The following SNTG1 variants were observed in gnomAD, a reference collection of about 807,000 sequenced individuals.
The protein encoded by SNTG1 is syntrophin gamma 1.
A neutral mutation model predicts 74.7 loss-of-function variants in SNTG1; 39 were observed. That is an observed-to-expected ratio of 0.52 (90% confidence interval 0.40 to 0.68). The LOEUF (loss-of-function observed/expected upper bound fraction) is 0.68, where lower values mean the gene tolerates loss of function less well. Among genes scored for constraint, SNTG1 ranks in the 30% least tolerant of loss-of-function variants. The pLI is 0.00. For synonymous variants in SNTG1, 254 were observed against 217.1 expected (o/e 1.17, Z -1.49); for missense variants, 685 against 609.5 (o/e 1.12, Z -1.30).
intron 2 of SNTG1, among the ~76,000 whole-genome samples, chr8:50,332,208 C>G (rs2090991537): frequency 6.6e-6 from 1 of 152,180 alleles, no homozygotes; most frequent in South Asian, 2.1e-4. Context: ...GTAAGCACCA[C>G]ATAGTCTGTT....
At chr8:50,449,408 C>T (rs532479017) in intron 5 of SNTG1, among the ~76,000 whole-genome samples, 8 of 152,286 alleles carry the variant, frequency 5.3e-5, no homozygotes, top group East Asian at 3.9e-4. Flanking sequence ...AGGAGAATGC[C>T]TATCTAAATA....
At chr8:50,266,905 C>T (rs2087511107) in intron 2 of SNTG1, among the ~76,000 whole-genome samples, 2 of 151,952 alleles carry the variant, frequency 1.3e-5, no homozygotes, top group South Asian at 2.1e-4. Context: ...TGGGTATTTT[C>T]CACTTGCTCA....
intron 1 of SNTG1, among the ~76,000 whole-genome samples, chr8:50,041,055 C>T (rs762548306): frequency 1.5e-4 from 23 of 152,076 alleles, no homozygotes; most frequent in Non-Finnish European, 3.2e-4. Context: ...TTCCACCATG[C>T]CCGGCTAATT....
At chr8:50,526,658 TATA>T (rs773732276) in intron 9 of SNTG1, among the ~76,000 whole-genome samples, 9 of 151,832 alleles carry the variant, frequency 5.9e-5, no homozygotes, top group African/African-American at 1.2e-4. Context: ...TATATATATA[TATA>T]TTTTTTTGAG....
intron 1 of SNTG1, among the ~76,000 whole-genome samples, chr8:50,135,489 A>G (rs2081442807): frequency 6.6e-6 from 1 of 152,192 alleles, no homozygotes. Flanking sequence ...GATAGCTACC[A>G]TTAATATGTA....
chr8:50,466,814 T>C (rs2093612216), intron 8 of SNTG1, among the ~76,000 whole-genome samples: 1 of 152,022 alleles, frequency 6.6e-6, no homozygotes, highest in Non-Finnish European at 1.5e-5. Context: ...TTTTTCTAAC[T>C]TCAAATTTAA....
chr8:50,335,817 ATTATTTTATTTTATTTTATTTTATT>A (rs71233486), intron 2 of SNTG1, among the ~76,000 whole-genome samples: 1 of 141,380 alleles, frequency 7.1e-6, no homozygotes, highest in African/African-American at 2.6e-5. Context: ...TTTATGTTTT[ATTATTTTATTTTATTTTATTTTATT>A]TTATTTTATT....
intron 11 of SNTG1, among the ~76,000 whole-genome samples, chr8:50,539,070 C>A (rs529286063): frequency 6.6e-6 from 1 of 151,806 alleles, no homozygotes; most frequent in East Asian, 1.9e-4. Context: ...TTATTTGTTT[C>A]AAGAAAACTT....
chr8:50,702,200 T>G (rs375440894), intron 15 of SNTG1, among the ~76,000 whole-genome samples: 1 of 152,140 alleles, frequency 6.6e-6, no homozygotes, highest in South Asian at 2.1e-4. Context: ...CTAATATATT[T>G]ACTTGTGTAG....
intron 12 of SNTG1, among the ~76,000 whole-genome samples, chr8:50,570,232 T>TTTTAA (rs2094539415): frequency 1.9e-5 from 1 of 52,972 alleles, no homozygotes; most frequent in Admixed American, 2.3e-4. Context: ...TCTATTTTTA[T>TTTTAA]TTTATTTTAT....
chr8:50,179,373 A>G (rs1225234378), intron 2 of SNTG1, among the ~76,000 whole-genome samples: 1 of 152,206 alleles, frequency 6.6e-6, no homozygotes, highest in Non-Finnish European at 1.5e-5. Flanking sequence ...ATTGCATTCA[A>G]TCTGTATATG....
intron 1 of SNTG1, among the ~76,000 whole-genome samples, chr8:50,157,532 C>T (rs536018266): frequency 6.6e-6 from 1 of 151,990 alleles, no homozygotes; most frequent in South Asian, 2.1e-4. Context: ...AAAACTTATT[C>T]TTCGCATAAT....
chr8:50,534,585 A>G (rs562033787), intron 10 of SNTG1, among the ~76,000 whole-genome samples: 2 of 152,190 alleles, frequency 1.3e-5, no homozygotes, highest in Non-Finnish European at 1.5e-5. Context: ...GTTCAAGACC[A>G]GCCTGGCCAA....
chr8:50,588,092 C>T (rs1178829504), intron 12 of SNTG1, among the ~76,000 whole-genome samples: 1 of 151,330 alleles, frequency 6.6e-6, no homozygotes, highest in African/African-American at 2.4e-5. Flanking sequence ...TGCACTACAG[C>T]CTGGGTGACA....
chr8:50,578,993 C>T (rs2094593084), intron 12 of SNTG1, among the ~76,000 whole-genome samples: 1 of 152,076 alleles, frequency 6.6e-6, no homozygotes, highest in Non-Finnish European at 1.5e-5. Context: ...GTTTAAAGGA[C>T]TCAGAAGAAA....
intron 17 of SNTG1, among the ~76,000 whole-genome samples, chr8:50,738,729 G>A (rs550880652): frequency 5.3e-5 from 8 of 150,418 alleles, no homozygotes; most frequent in Admixed American, 6.7e-5. Context: ...CAATGGAACA[G>A]AATAGAGGCC....
At chr8:50,295,683 T>C (rs79809659) in intron 2 of SNTG1, among the ~76,000 whole-genome samples, 10,525 of 152,230 alleles carry the variant, frequency 0.069, 408 homozygotes, top group African/African-American at 0.085. Context: ...ACTATTCTCA[T>C]TGTTTTAGTT....
At chr8:50,721,903 A>G (rs767998701) in intron 17 of SNTG1, among the ~76,000 whole-genome samples, 5 of 152,166 alleles carry the variant, frequency 3.3e-5, no homozygotes, top group Non-Finnish European at 5.9e-5. Context: ...GCAGACTCTC[A>G]GAATGCATCA....
At chr8:50,666,449 T>A (rs1488591544) in intron 15 of SNTG1, among the ~76,000 whole-genome samples, 1 of 152,098 alleles carries the variant, frequency 6.6e-6, no homozygotes, top group Non-Finnish European at 1.5e-5. Flanking sequence ...TGTTCTTGTT[T>A]GTAGAAGGTA....
Sources: gnomAD v4.1 joint callset for allele counts (sites outside exome capture counted in the v4.1 genomes callset) on GRCh38, gnomAD v4.1.1 for gene constraint, MANE v1.5 for transcripts, NCBI Gene and HGNC (gene_info 2026-07-23, HGNC 2026-07-21) for gene names.